The following IP6K1 variants were observed in gnomAD, a reference collection of about 807,000 sequenced individuals.
IP6K1 encodes inositol hexakisphosphate kinase 1.
Under a neutral mutation model 38.3 loss-of-function variants are expected in IP6K1, and 13 were observed. The ratio of observed to expected loss-of-function variants is 0.34; its 90% confidence interval spans 0.22 to 0.54. IP6K1 has a LOEUF of 0.54. IP6K1 is among the 20% of genes least tolerant of loss of function. The pLI is 0.92. For synonymous variants in IP6K1, 212 were observed against 229.9 expected (o/e 0.92, Z 0.70); for missense variants, 397 against 599.8 (o/e 0.66, Z 3.53).
At chr3:49,739,662 T>C (rs1210413384) in intron 2 of IP6K1, among the ~76,000 whole-genome samples, 1 of 151,922 alleles carries the variant, frequency 6.6e-6, no homozygotes, top group African/African-American at 2.4e-5. Flanking sequence ...CTAAAGTTCT[T>C]TATAATATTC....
chr3:49,780,287 C>A (rs568661776), intron 1 of IP6K1, among the ~76,000 whole-genome samples: 1 of 136,348 alleles, frequency 7.3e-6, no homozygotes, highest in African/African-American at 2.7e-5. Context: ...CAGTAGCACA[C>A]GAGAATCTTT....
At chr3:49,752,525 ATG>A (rs372243529) in intron 1 of IP6K1, among the ~76,000 whole-genome samples, 26 of 145,772 alleles carry the variant, frequency 1.8e-4, no homozygotes, top group African/African-American at 2.0e-4. Flanking sequence ...TCACTTTTGC[ATG>A]TGTGTGTGTG....
intron 1 of IP6K1, among the ~76,000 whole-genome samples, chr3:49,782,163 A>G (rs1575332310): frequency 7.3e-6 from 1 of 136,104 alleles, no homozygotes; most frequent in African/African-American, 2.9e-5. Flanking sequence ...CAGTGGATGG[A>G]AAGTCTGCTT....
At chr3:49,782,298 G>A (rs938884537) in intron 1 of IP6K1, among the ~76,000 whole-genome samples, 13 of 151,818 alleles carry the variant, frequency 8.6e-5, no homozygotes, top group Non-Finnish European at 1.6e-4. Flanking sequence ...AGCCTCCTGA[G>A]TAGCTGGGAT....
chr3:49,773,492 T>A (rs1342353083), intron 1 of IP6K1, among the ~76,000 whole-genome samples: 11 of 152,194 alleles, frequency 7.2e-5, no homozygotes, highest in Non-Finnish European at 1.3e-4. Flanking sequence ...GCGCCTGTAG[T>A]CCCAGCTACT....
chr3:49,732,961 G>T lies in IP6K1; in HGVS notation c.446C>A (p.Ala149Glu), dbSNP rs1432648932. 6.2e-7 allele frequency: 1 copy of T among 1,612,630 alleles called. No individual in the cohort carries two copies. The highest frequency in any genetic ancestry group is 8.5e-7 in the Non-Finnish European group (1 of 1,178,986). The change falls in exon 4 of 6, where the codon GCA (alanine) becomes GAA (glutamate). Residue 149 changes from alanine (A) to glutamate (E), a missense_variant. Coordinates refer to ENST00000321599, the MANE Select transcript of IP6K1 (RefSeq NM_153273.4). ...SLETSESSQEAKSPKVELHSH... is the reference protein window; with the variant it reads ...SLETSESSQEEKSPKVELHSH... ...GTGCAGCTCCACCTTCGGACTCTTT[G>T]CCTCCTGTGAGCTAAGAAGGAAGAA...
At chr3:49,783,252 G>C (rs1052971190) in intron 1 of IP6K1, among the ~76,000 whole-genome samples, 2 of 151,794 alleles carry the variant, frequency 1.3e-5, no homozygotes, top group African/African-American at 4.8e-5. Flanking sequence ...CTCTACATAA[G>C]TAATTTTTAA....
intron 2 of IP6K1, among the ~76,000 whole-genome samples, chr3:49,743,613 T>G (rs906302471): frequency 2.2e-5 from 3 of 137,086 alleles, no homozygotes; most frequent in East Asian, 2.1e-4. Context: ...ATAGTTTTTT[T>G]TTTTTGTTTT....
At position 49,738,436 on chromosome 3, in the gene IP6K1, G is replaced by A. The variant is rs1456572833; in HGVS notation, c.224-14C>T. ...CAGATACCACGCCTGTTAAAAAAAG[G>A]GCAGTTGGTAAACAAATGTCAACAC... On this transcript the variant is annotated splice_polypyrimidine_tract_variant and intron_variant, in intron 2 of 5. Transcript: ENST00000321599. 24 of 1,607,120 alleles carry A rather than the reference G, an allele frequency of 1.5e-5. No individual in the cohort carries two copies. The highest frequency in any genetic ancestry group is 2.0e-5 in the Non-Finnish European group (23 of 1,173,792).
Position 49,747,826 on chromosome 3 carries a change from T to G in IP6K1, c.215A>C (p.Glu72Ala), listed in dbSNP as rs765027414. The G allele has an allele frequency of 6.2e-7, 1 of 1,614,022 alleles. No individual in the cohort carries two copies. Among genetic ancestry groups the G allele is most frequent in the African/African-American group, 1.3e-5 (1 of 74,922 alleles). The change falls in exon 2 of 6, where the codon GAA (glutamate) becomes GCA (alanine). Residue 72 changes from glutamate (E) to alanine (A), a missense_variant. Physicochemically the swap from Glu to Ala is moderately radical, Grantham distance 107 (BLOSUM62 -1). Transcript: ENST00000321599. ...ACTGGCCAGTGACTGACCTTTGTAT[T>G]CAGGGGTGAACTCCTTCATTTCGGG... Reference protein sequence around the residue: ...LPPEMKEFTPEYKGVVSVCFE... With the variant: ...LPPEMKEFTPAYKGVVSVCFE...
At chr3:49,738,517 G>C (rs2080636715) in intron 2 of IP6K1, 95 bp from the exon 3 acceptor site, 1 of 910,518 alleles carries the variant, frequency 1.1e-6, no homozygotes, top group Non-Finnish European at 1.8e-6. Flanking sequence ...ACAGCATGAA[G>C]ACATCACCTG....
chr3:49,763,935 T>C (rs1459701920), intron 1 of IP6K1, among the ~76,000 whole-genome samples: 2 of 152,038 alleles, frequency 1.3e-5, no homozygotes, highest in Admixed American at 6.6e-5. Flanking sequence ...GGCAGGAGAA[T>C]TGCTGGAACC....
At chr3:49,763,979 G>A (rs904216667) in intron 1 of IP6K1, among the ~76,000 whole-genome samples, 2 of 152,038 alleles carry the variant, frequency 1.3e-5, no homozygotes, top group Non-Finnish European at 2.9e-5. Context: ...TCAAGATCAC[G>A]CCACTGCACT....
At chr3:49,755,877 A>G (rs1359341208) in intron 1 of IP6K1, among the ~76,000 whole-genome samples, 1 of 152,210 alleles carries the variant, frequency 6.6e-6, no homozygotes, top group Non-Finnish European at 1.5e-5. Context: ...TTCCCTTTGT[A>G]TATGAGACTG....
intron 1 of IP6K1, among the ~76,000 whole-genome samples, chr3:49,782,567 C>T (rs1043091553): frequency 1.3e-5 from 2 of 151,920 alleles, no homozygotes; most frequent in Non-Finnish European, 2.9e-5. Context: ...TTTAGGAACC[C>T]GAGGCAGGAG....
chr3:49,761,795 A>T (rs1216731590), intron 1 of IP6K1, among the ~76,000 whole-genome samples: 1 of 152,032 alleles, frequency 6.6e-6, no homozygotes, highest in Non-Finnish European at 1.5e-5. Context: ...CTCTACAGAA[A>T]AAATGAAAAT....
At chr3:49,747,742 C>G (rs2080733738) in intron 2 of IP6K1, 76 bp downstream of exon 2, 3 of 1,582,124 alleles carry the variant, frequency 1.9e-6, no homozygotes, top group African/African-American at 2.7e-5. Flanking sequence ...TCATGGCAAA[C>G]AAACCAAGAA....
Position 49,727,214 on chromosome 3 carries a change from G to A in IP6K1, c.1234C>T (p.Pro412Ser). 6.2e-7 allele frequency: 1 copy of A among 1,614,108 alleles called. No homozygotes were observed. Among genetic ancestry groups the A allele is most frequent in the Non-Finnish European group, 8.5e-7 (1 of 1,180,024 alleles). The change falls in exon 6 of 6, where the codon CCC (proline) becomes TCC (serine). Residue 412 changes from proline to serine, a missense_variant. By Grantham distance (74) the Pro-to-Ser change is moderately conservative. This residue lies in a region of IP6K1 where 164 missense variants were observed against 213.5 expected (regional missense o/e 0.77). Coordinates refer to ENST00000321599, the MANE Select transcript of IP6K1 (RefSeq NM_153273.4). This position sits in a 1 kb window ranked among gnomAD's most constrained non-coding sequence, Gnocchi z 5.9. Reference sequence around the variant, plus strand: ...CTGTCTGGCCCATCATGCACGGTGGGGTCATCCCGGAAGCCCTTGAATGTG... The same window carrying A: ...CTGTCTGGCCCATCATGCACGGTGGAGTCATCCCGGAAGCCCTTGAATGTG... Reference protein sequence around the residue: ...HSTFKGFRDDPTVHDGPDRGY... With the variant: ...HSTFKGFRDDSTVHDGPDRGY...
At chr3:49,730,974 G>A (rs1460728824) in intron 4 of IP6K1, among the ~76,000 whole-genome samples, 1 of 152,022 alleles carries the variant, frequency 6.6e-6, no homozygotes, top group Non-Finnish European at 1.5e-5. Context: ...CTCCCAAAGT[G>A]CTGGGATTAC....
Sources: allele counts gnomAD v4.1 joint callset (sites outside exome capture counted in the v4.1 genomes callset), GRCh38; gene constraint gnomAD v4.1.1; regional missense constraint gnomAD v4.1.1; non-coding constraint Gnocchi (gnomAD v3.1); transcripts MANE v1.5; gene names NCBI Gene and HGNC (gene_info 2026-07-23, HGNC 2026-07-21).